The following CDK5RAP2 variants were observed in gnomAD, a reference collection of about 807,000 sequenced individuals.
CDK5RAP2 encodes the protein CDK5 regulatory subunit associated protein 2.
CDK5RAP2 carries 147 observed loss-of-function variants against 232.9 expected under a neutral mutation model. The observed-to-expected ratio is 0.63, with a 90% CI of 0.55 to 0.72. The LOEUF is 0.72. CDK5RAP2 is among the 30% of genes least tolerant of loss of function. The probability of loss-of-function intolerance (pLI) is 0.00; values close to 1 mark genes in which losing one functional copy is unlikely to be tolerated. For synonymous variants in CDK5RAP2, 833 were observed against 833.7 expected, an observed-to-expected ratio of 1.00 and a Z score of 0.01; for missense variants, 2,195 against 2,231.5, an observed-to-expected ratio of 0.98 and a Z score of 0.33.
At chr9:120,458,705 AAGTG>A (rs1442783840) in intron 19 of CDK5RAP2, 83 bp from the exon 20 acceptor site, 2 of 1,252,946 alleles carry the variant, frequency 1.6e-6, no homozygotes, top group African/African-American at 3.0e-5. Flanking sequence ...GATGCAGGGT[AAGTG>A]AGTAAGTGAA....
intron 25 of CDK5RAP2, among the ~76,000 whole-genome samples, chr9:120,430,021 T>C (rs1355115825): frequency 6.6e-6 from 1 of 152,222 alleles, no homozygotes; most frequent in Non-Finnish European, 1.5e-5. Flanking sequence ...AAGGATTCCC[T>C]ATTTAATAAA....
At chr9:120,546,379 T>C (rs2041841923) in intron 4 of CDK5RAP2, among the ~76,000 whole-genome samples, 1 of 152,198 alleles carries the variant, frequency 6.6e-6, no homozygotes, top group Non-Finnish European at 1.5e-5. Flanking sequence ...ACCAAATGTC[T>C]TCCTCTTAAC....
At chr9:120,434,470 T>C (rs1479941922) in intron 25 of CDK5RAP2, among the ~76,000 whole-genome samples, 1 of 152,140 alleles carries the variant, frequency 6.6e-6, no homozygotes, top group African/African-American at 2.4e-5. Context: ...TGGGACATGA[T>C]CTGACTTACA....
intron 12 of CDK5RAP2, among the ~76,000 whole-genome samples, chr9:120,503,240 T>C (rs1183900897): frequency 6.6e-6 from 1 of 152,232 alleles, no homozygotes; most frequent in Non-Finnish European, 1.5e-5. Context: ...ATGGACTCTC[T>C]AGCCTGAGAC....
chr9:120,493,473 A>C (rs114005696), intron 12 of CDK5RAP2, among the ~76,000 whole-genome samples: 2,118 of 152,324 alleles, frequency 0.014, 47 homozygotes, highest in African/African-American at 0.049. Flanking sequence ...AGAAGGAATA[A>C]TGAAATCAAA....
At chr9:120,389,374 G>T in intron 37 of CDK5RAP2, 82 bp from the exon 38 acceptor site, 4 of 1,095,220 alleles carry the variant, frequency 3.7e-6, no homozygotes, top group Non-Finnish European at 5.5e-6. Flanking sequence ...GTGAAAGCGA[G>T]ACTGTTATTC....
chr9:120,442,446 C>T (rs192394760), intron 23 of CDK5RAP2, among the ~76,000 whole-genome samples: 10 of 152,298 alleles, frequency 6.6e-5, no homozygotes, highest in Admixed American at 1.3e-4. Flanking sequence ...AGATGTCACA[C>T]GCAGCACCCA....
chr9:120,447,204 G>T (rs1318752029), intron 22 of CDK5RAP2, among the ~76,000 whole-genome samples: 1 of 152,164 alleles, frequency 6.6e-6, no homozygotes. Flanking sequence ...TGAGCCCTGA[G>T]AAAATGATGT....
chr9:120,518,621 G>C lies in CDK5RAP2; in HGVS notation c.1117C>G (p.Leu373Val), dbSNP rs754107244. The C allele has an allele frequency of 7.4e-6, 12 of 1,613,496 alleles. No individual in the cohort carries two copies. The highest frequency in any genetic ancestry group is 5.4e-5 in the African/African-American group (4 of 74,744). The change falls in exon 12 of 38, where the codon CTA becomes GTA. Residue 373 changes from leucine to valine, a missense_variant. Transcript: ENST00000349780. ...GCCGAAAGGGCTTCCTTTCCTGATA[G>C]AGCAGTCTCATAGTCTTCAGACCCC... ...FQGSEDYETALSGKEALSAAL... is the reference protein window; with the variant it reads ...FQGSEDYETAVSGKEALSAAL...
intron 12 of CDK5RAP2, among the ~76,000 whole-genome samples, chr9:120,514,537 G>C (rs891103175): frequency 6.6e-6 from 1 of 152,200 alleles, no homozygotes; most frequent in Admixed American, 6.5e-5. Flanking sequence ...TGTGATCCCA[G>C]CGTGGCTGGC....
intron 3 of CDK5RAP2, among the ~76,000 whole-genome samples, chr9:120,551,538 G>C (rs561478464): frequency 1.3e-5 from 2 of 152,254 alleles, no homozygotes; most frequent in East Asian, 3.9e-4. Context: ...TCCATCCAAA[G>C]TGCTTCTGTC....
Position 120,577,293 on chromosome 9 carries a change from G to A in CDK5RAP2, c.59+2627C>T, listed in dbSNP as rs113910410. Among the ~76,000 whole-genome samples the A allele has an allele frequency of 6.6e-3, 1,004 of 151,624 alleles. 13 individuals carry two copies. The highest frequency in any genetic ancestry group is 0.023 in the African/African-American group (931 of 41,300). Reference sequence around the variant, plus strand: ...TGAGAATTGCTTGAACTCTGGAGGCGGAGGTTGCAGTGAGCCAAGATCACT... The same window carrying A: ...TGAGAATTGCTTGAACTCTGGAGGCAGAGGTTGCAGTGAGCCAAGATCACT... On this transcript the variant is annotated intron_variant, in intron 1 of 37. Transcript: ENST00000349780.
chr9:120,486,400 T>C, intron 14 of CDK5RAP2, among the ~76,000 whole-genome samples: 1 of 147,928 alleles, frequency 6.8e-6, no homozygotes, highest in South Asian at 2.1e-4. Flanking sequence ...TTAAGCCAGG[T>C]TTTTCTTTTA....
At chr9:120,493,608 A>G (rs577693496) in intron 12 of CDK5RAP2, among the ~76,000 whole-genome samples, 2 of 152,320 alleles carry the variant, frequency 1.3e-5, no homozygotes, top group South Asian at 2.1e-4. Flanking sequence ...GAATTTGACC[A>G]TGCATCTTAT....
intron 17 of CDK5RAP2, 134 bp downstream of exon 17, chr9:120,469,977 C>T (rs2037600905): frequency 1.6e-6 from 1 of 611,440 alleles, no homozygotes; most frequent in Non-Finnish European, 3.0e-6. Flanking sequence ...AGGAGGGGCA[C>T]ACACAACAAG....
chr9:120,538,431 C>T (rs1471152729), intron 6 of CDK5RAP2, among the ~76,000 whole-genome samples: 1 of 152,104 alleles, frequency 6.6e-6, no homozygotes, highest in African/African-American at 2.4e-5. Flanking sequence ...AGGAAACATC[C>T]TGACTCCCAT....
chr9:120,481,620 C>A (rs568012654), intron 14 of CDK5RAP2, among the ~76,000 whole-genome samples: 12 of 149,522 alleles, frequency 8.0e-5, no homozygotes, highest in African/African-American at 2.7e-4. Flanking sequence ...TCAAGCAATT[C>A]TCCTGCCTTA....
intron 21 of CDK5RAP2, among the ~76,000 whole-genome samples, chr9:120,448,736 A>T (rs751905022): frequency 1.3e-5 from 2 of 152,096 alleles, no homozygotes; most frequent in Non-Finnish European, 2.9e-5. Flanking sequence ...TTTACTACAC[A>T]ATCTAGAACC....
intron 21 of CDK5RAP2, among the ~76,000 whole-genome samples, chr9:120,452,278 T>C (rs2036520953): frequency 6.8e-6 from 1 of 147,412 alleles, no homozygotes; most frequent in African/African-American, 2.7e-5. Context: ...CTCTGGTCTC[T>C]ACTGATATCT....
Sources: allele counts gnomAD v4.1 joint callset (sites outside exome capture counted in the v4.1 genomes callset), GRCh38; gene constraint gnomAD v4.1.1; transcripts MANE v1.5; gene names NCBI Gene and HGNC (gene_info 2026-07-23, HGNC 2026-07-21).